The following TRMU variants were observed in gnomAD, a reference collection of about 807,000 sequenced individuals.
TRMU encodes the protein tRNA mitochondrial 2-thiouridylase.
Under a neutral mutation model 46.9 loss-of-function variants are expected in TRMU, and 49 were observed. The observed-to-expected ratio is 1.05, with a 90% CI of 0.83 to 1.33. The LOEUF (loss-of-function observed/expected upper bound fraction) is 1.33. TRMU is among the 40% of genes most tolerant of loss of function. TRMU has a pLI of 0.00. For missense variants in TRMU, 572 were observed against 532.4 expected (o/e 1.07, Z -0.73); for synonymous variants, 241 against 200.9 (o/e 1.20, Z -1.69).
chr22:46,346,736 A>G (rs1484470638), intron 4 of TRMU, among the ~76,000 whole-genome samples, 192 bp downstream of exon 4: 1 of 152,258 alleles, frequency 6.6e-6, no homozygotes, highest in Admixed American at 6.5e-5. Flanking sequence ...GTGATTGGGT[A>G]GTAAACAGTG....
intron 10 of TRMU, chr22:46,356,431 G>A: frequency 2.3e-6 from 1 of 426,268 alleles, no homozygotes; most frequent in Non-Finnish European, 4.4e-6. Context: ...CCCAGGGTGG[G>A]CGCCTGGTGG....
intron 8 of TRMU, 66 bp from the exon 9 acceptor site, chr22:46,355,378 C>T (rs1343807116): frequency 1.9e-6 from 3 of 1,589,488 alleles, no homozygotes; most frequent in African/African-American, 1.3e-5. Context: ...TCCCAGGGAC[C>T]ACACTGAGGC....
At chr22:46,346,326 G>A in intron 3 of TRMU, 96 bp from the exon 4 acceptor site, 2 of 1,477,356 alleles carry the variant, frequency 1.4e-6, no homozygotes, top group Non-Finnish European at 1.8e-6. Context: ...CCTAAGACTT[G>A]GGGTCTATAC....
Position 46,351,730 on chromosome 22 carries a change from C to T in TRMU, c.652-391C>T, listed in dbSNP as rs980995409. On this transcript the variant is annotated intron_variant, in intron 5 of 10. Transcript: ENST00000645190. This position sits in a 1 kb window ranked among gnomAD's most constrained non-coding sequence, Gnocchi z 6.4. ...AAGGCGCCTCTCTCCTCTGACTCCC[C>T]TGGAGCCCTCCCCTAAGGCCTTAGC... 10 of 358,558 alleles carry T rather than the reference C, an allele frequency of 2.8e-5. No homozygotes were observed. Among genetic ancestry groups the T allele is most frequent in the South Asian group, 2.1e-4 (9 of 42,966 alleles). 22.2% of individuals were successfully genotyped at this position (358,558 alleles called of 1,614,324 possible).
chr22:46,355,101 G>T, intron 8 of TRMU: 1 of 415,960 alleles, frequency 2.4e-6, no homozygotes, highest in South Asian at 2.7e-5. Context: ...AGTCCTCGAG[G>T]GGGGCCGTGC....
rs753039116 is a variant in TRMU, at chr22:46,356,839, C to G, written c.1102-3C>G. ...CCCTGATGCCAGGGTCTCTCCCCTA[C>G]AGTTTGCTGTGTTCTACAAGGGGGA... On this transcript the variant is annotated splice_region_variant and splice_polypyrimidine_tract_variant and intron_variant, in intron 10 of 10. Coordinates refer to ENST00000645190, the MANE Select transcript of TRMU (RefSeq NM_018006.5). The G allele has an allele frequency of 1.3e-5, 21 of 1,613,022 alleles. No individual in the cohort carries two copies. Among genetic ancestry groups the G allele is most frequent in the Non-Finnish European group, 1.7e-5 (20 of 1,179,860 alleles).
chr22:46,343,408 C>T, intron 3 of TRMU, 40 bp downstream of exon 3: 2 of 1,456,830 alleles, frequency 1.4e-6, no homozygotes, highest in Non-Finnish European at 1.9e-6. Context: ...TTTTTAAAGA[C>T]AGGGTCTCGC....
chr22:46,355,235 G>A (rs2078561634), intron 8 of TRMU: 1 of 705,030 alleles, frequency 1.4e-6, no homozygotes, highest in African/African-American at 1.8e-5. Context: ...TTCCTTCCTG[G>A]GCCTTAGTCT....
intron 2 of TRMU, among the ~76,000 whole-genome samples, chr22:46,341,531 G>T (rs2078123102): frequency 6.6e-6 from 1 of 152,022 alleles, no homozygotes; most frequent in Non-Finnish European, 1.5e-5. Context: ...GTGCAGATCT[G>T]TGATATGTCT....
rs202102056 is a variant in TRMU at position 46,343,294 on chromosome 22, C to T, written c.281C>T (p.Thr94Ile). The change falls in exon 3 of 11, where the codon ACT becomes ATT. Residue 94 changes from threonine (T) to isoleucine (I), a missense_variant. By Grantham distance (89) the Thr-to-Ile change is moderately conservative. Transcript: ENST00000645190. The part of the protein sequence containing the change: ...DFLNEYEKGR[T>I]PNPDIVCNKH... The stretch of plus-strand genomic sequence containing the variant: ...TTGAATGAGTATGAAAAAGGAAGGA[C>T]TCCCAATCCTGACATAGTTTGCAAC... 3.7e-6 allele frequency: 6 copies of T among 1,613,638 alleles called. No homozygotes were observed. The highest frequency in any genetic ancestry group is 5.1e-6 in the Non-Finnish European group (6 of 1,179,876).
Position 46,350,005 on chromosome 22 carries a change from T to C in TRMU, c.479-286T>C, listed in dbSNP as rs2078366678. ...GTTTTTTTTTTTTTTTCTTATCACT[T>C]GAGAACATTTTTTCATGTGATGTTT... On this transcript the variant is annotated intron_variant, in intron 4 of 10. Coordinates refer to ENST00000645190, the MANE Select transcript of TRMU (RefSeq NM_018006.5). This position sits in a 1 kb window ranked among gnomAD's most constrained non-coding sequence, Gnocchi z 4.6. Among the ~76,000 whole-genome samples the C allele has an allele frequency of 6.6e-6, 1 of 151,750 alleles. No individual in the cohort carries two copies. Among genetic ancestry groups the C allele is most frequent in the South Asian group, 2.1e-4 (1 of 4,820 alleles).
In TRMU at chr22:46,352,310, A is replaced by C. The variant is rs1601978060; in HGVS notation, c.752A>C (p.Lys251Thr). The change falls in exon 7 of 11, where the codon AAG (lysine) becomes ACG (threonine). Residue 251 changes from lysine to threonine, a missense_variant. Coordinates refer to ENST00000645190, the MANE Select transcript of TRMU (RefSeq NM_018006.5). ...CACTTTATTTCCATAGAAGACAATA[A>C]GGTTCTGGGAACACATAAAGGTGAG... The part of the protein sequence containing the change: ...PGHFISIEDN[K>T]VLGTHKGWFL... 3 of 1,614,054 alleles carry C rather than the reference A, an allele frequency of 1.9e-6. No individual in the cohort carries two copies. The East Asian group carries it at 6.7e-5, about 36-fold the overall frequency.
intron 2 of TRMU, among the ~76,000 whole-genome samples, chr22:46,341,453 G>A (rs2078121131): frequency 1.3e-5 from 2 of 152,236 alleles, no homozygotes; most frequent in East Asian, 1.9e-4. Context: ...ACTTCTAGGG[G>A]GACTGAGAAG....
rs1211034326 is a variant in TRMU at position 46,349,107 on chromosome 22, C to T, written c.479-1184C>T. On this transcript the variant is annotated intron_variant, in intron 4 of 10. Coordinates refer to ENST00000645190, the MANE Select transcript of TRMU (RefSeq NM_018006.5). The surrounding 1 kb of genome is among the most constrained non-coding windows in gnomAD (Gnocchi z 4.6). ...TGAGCCGAGATGTGCCACTGCACTC[C>T]AGCCTGGGCGACAGAGCGAGACTCC... Among the ~76,000 whole-genome samples, 2 of 150,886 alleles carry T rather than the reference C, an allele frequency of 1.3e-5. No individual in the cohort carries two copies. The highest frequency in any genetic ancestry group is 2.9e-5 in the Non-Finnish European group (2 of 67,848).
chr22:46,352,750 C>T (rs890479352), intron 7 of TRMU: 1 of 334,640 alleles, frequency 3.0e-6, no homozygotes, highest in Admixed American at 4.0e-5. Flanking sequence ...GATCAGGCGT[C>T]CGCGCTGGCC....
chr22:46,342,224 T>A lies in TRMU; in HGVS notation c.249-1038T>A, dbSNP rs115796507. ...GGCTTCCAGTTGGGATTCCCATAACTTCCTCTTTGGGTTCAATTATTAATA... is the reference window on the plus strand; with the variant it reads ...GGCTTCCAGTTGGGATTCCCATAACATCCTCTTTGGGTTCAATTATTAATA... On this transcript the variant is annotated intron_variant, in intron 2 of 10. Coordinates refer to ENST00000645190, the MANE Select transcript of TRMU (RefSeq NM_018006.5). The surrounding 1 kb of genome is among the most constrained non-coding windows in gnomAD (Gnocchi z 4.7). 4.0e-3 allele frequency among the ~76,000 whole-genome samples: 603 copies of A among 152,326 alleles called. 4 individuals are homozygous for A. The highest frequency in any genetic ancestry group is 0.014 in the African/African-American group (575 of 41,576).
In TRMU at chr22:46,352,105, C is replaced by T. The variant is rs73177076; in HGVS notation, c.652-16C>T. On this transcript the variant is annotated splice_polypyrimidine_tract_variant and intron_variant, in intron 5 of 10. Transcript: ENST00000645190. The stretch of plus-strand genomic sequence containing the variant: ...CCACTTCTGCTCCTCTCACGGCTGC[C>T]GTCTTCTCATTTCAGAGCATGGGCA... The T allele has an allele frequency of 6.1e-3, 9,800 of 1,612,346 alleles. 35 individuals are homozygous for T. The highest frequency in any genetic ancestry group is 7.4e-3 in the Non-Finnish European group (8,690 of 1,179,938).
At position 46,342,615 on chromosome 22, in the gene TRMU, A is replaced by G. The variant is rs1159232459; in HGVS notation, c.249-647A>G. On this transcript the variant is annotated intron_variant, in intron 2 of 10. Transcript: ENST00000645190. This position sits in a 1 kb window ranked among gnomAD's most constrained non-coding sequence, Gnocchi z 4.7. ...GAGACTTGCTTGAGGCCTGGAGTTC[A>G]GTATCAGCATGGGCAACATGGCAAG... Among the ~76,000 whole-genome samples the G allele has an allele frequency of 6.6e-6, 1 of 152,210 alleles. No homozygotes were observed. Among genetic ancestry groups the G allele is most frequent in the African/African-American group, 2.4e-5 (1 of 41,456 alleles).
chr22:46,356,055 G>A lies in TRMU; in HGVS notation c.1084G>A (p.Ala362Thr), dbSNP rs1456976925. 1 of 1,614,008 alleles carries A rather than the reference G, an allele frequency of 6.2e-7. No homozygotes were observed. Among genetic ancestry groups the A allele is most frequent in the Non-Finnish European group, 8.5e-7 (1 of 1,179,982 alleles). ...GGTGACAGCTGTGCAGGCTGTGCGT[G>A]CCCTTGCCACAGGACAGGTGCGTGG... Reference protein sequence around the residue: ...VWVTAVQAVRALATGQFAVFY... With the variant: ...VWVTAVQAVRTLATGQFAVFY... Residue 362 changes from alanine to threonine, a missense_variant, in exon 10 of 11, where the codon GCC becomes ACC. Ala to Thr is a moderately conservative substitution (Grantham distance 58). Coordinates refer to ENST00000645190, the MANE Select transcript of TRMU (RefSeq NM_018006.5).
Sources: allele counts gnomAD v4.1 joint callset (sites outside exome capture counted in the v4.1 genomes callset), GRCh38; gene constraint gnomAD v4.1.1; non-coding constraint Gnocchi (gnomAD v3.1); transcripts MANE v1.5; gene names NCBI Gene and HGNC (gene_info 2026-07-23, HGNC 2026-07-21).